CNTROB: variants seen among roughly 807,000 people sequenced by gnomAD.
CNTROB encodes the protein centrobin, centriole duplication and spindle assembly protein, also known as centrobin.
A neutral mutation model predicts 115.7 loss-of-function variants in CNTROB; 82 were observed. That is an observed-to-expected ratio of 0.71 (90% CI 0.59 to 0.85). CNTROB has a LOEUF of 0.85. Ranked by LOEUF, CNTROB falls within the 40% of genes least tolerant of loss-of-function variation. CNTROB has a pLI of 0.00. For synonymous variants in CNTROB, 439 were observed against 456.4 expected (o/e 0.96, Z 0.49); for missense variants, 1,014 against 1,144.4 (o/e 0.89, Z 1.64).
intron 4 of CNTROB, chr17:7,935,741 T>A (rs533760691): frequency 6.1e-6 from 1 of 162,738 alleles, no homozygotes; most frequent in Non-Finnish European, 1.4e-5. Flanking sequence ...ACTGGCTGCC[T>A]AAGGTCTAGA....
At position 7,944,108 on chromosome 17, in the gene CNTROB, A is replaced by C; in HGVS notation, c.1446-15A>C. 6.2e-7 allele frequency: 1 copy of C among 1,602,308 alleles called. No homozygotes were observed. Among genetic ancestry groups the C allele is most frequent in the South Asian group, 1.1e-5 (1 of 90,716 alleles). On this transcript the variant is annotated splice_polypyrimidine_tract_variant and intron_variant, in intron 10 of 18. Transcript: ENST00000563694. This position sits in a 1 kb window ranked among gnomAD's most constrained non-coding sequence, Gnocchi z 4.0. ...TCTCCAGTCTCAGGCCTCTTCTCCT[A>C]CCTGTGCCCTGTAGGAAGCAGCTGC...
In CNTROB at chr17:7,948,567, G is replaced by A. The variant is rs758550892; in HGVS notation, c.2461G>A (p.Ala821Thr). ...LRLYQARGWG[A>T]LPAEDLLLYL... ...ACTCTACCAGGCTCGGGGCTGGGGGGCTCTGCCTGCTGAGGATCTCCTGCT... is the reference window on the plus strand; with the variant it reads ...ACTCTACCAGGCTCGGGGCTGGGGGACTCTGCCTGCTGAGGATCTCCTGCT... The change falls in exon 17 of 19, where the codon GCT becomes ACT. Residue 821 changes from alanine to threonine, a missense_variant. Physicochemically the swap from Ala to Thr is moderately conservative, Grantham distance 58 (BLOSUM62 0). Coordinates refer to ENST00000563694, the MANE Select transcript of CNTROB (RefSeq NM_053051.5). The surrounding 1 kb of genome is among the most constrained non-coding windows in gnomAD (Gnocchi z 4.4). 5 of 1,614,196 alleles carry A rather than the reference G, an allele frequency of 3.1e-6. No homozygotes were observed. In the Admixed American group the frequency reaches 6.7e-5, roughly 22 times the overall value.
chr17:7,934,150 CA>C lies in CNTROB; in HGVS notation c.284del (p.His95LeufsTer92), dbSNP rs1422073231. 1 of 1,613,920 alleles carries C rather than the reference CA, an allele frequency of 6.2e-7. No individual in the cohort carries two copies. The highest frequency in any genetic ancestry group is 8.5e-7 in the Non-Finnish European group (1 of 1,179,940). ...KNLKKKDGSKHIFEMESVRGQ... is the reference protein window; with the variant it reads ...KNLKKKDGSKXIFEMESVRGQ... ...GGCTTTTTTCCAGGATGGTTCTAAG[CA>C]TATCTTTGAGATGGAAAGTGTTCGG... On this transcript the variant is annotated frameshift_variant, in exon 2 of 19. Transcript: ENST00000563694. LOFTEE classifies it high-confidence loss of function.
chr17:7,940,272 G>T (rs1421294064), intron 9 of CNTROB, 30 bp downstream of exon 9: 2 of 1,572,286 alleles, frequency 1.3e-6, no homozygotes, highest in Non-Finnish European at 1.7e-6. Context: ...TTGAGGTTTT[G>T]TTCTGACAGA....
chr17:7,933,237 G>T lies in CNTROB; in HGVS notation c.158G>T (p.Arg53Leu). 1 of 1,614,242 alleles carries T rather than the reference G, an allele frequency of 6.2e-7. No homozygotes were observed. The highest frequency in any genetic ancestry group is 8.5e-7 in the Non-Finnish European group (1 of 1,180,050). The change falls in exon 1 of 19, where the codon CGA becomes CTA. Residue 53 changes from arginine (R) to leucine (L), a missense_variant. Coordinates refer to ENST00000563694, the MANE Select transcript of CNTROB (RefSeq NM_053051.5). Reference sequence around the variant, plus strand: ...AGCCGGCAGGCGGAGGCCACGGCCCGAGCCCAGCTGTATTTACCCTCCACC... The same window carrying T: ...AGCCGGCAGGCGGAGGCCACGGCCCTAGCCCAGCTGTATTTACCCTCCACC... ...RLSRQAEATA[R>L]AQLYLPSTSP...
Position 7,939,420 on chromosome 17 carries a change from A to G in CNTROB, c.928-93A>G. ...AATTATTGTGTTTTTAATGAGCATA[A>G]TTCTCAGCAGGCACCTTGTATGAGG... On this transcript the variant is annotated intron_variant, in intron 7 of 18. Coordinates refer to ENST00000563694, the MANE Select transcript of CNTROB (RefSeq NM_053051.5). The surrounding 1 kb of genome is among the most constrained non-coding windows in gnomAD (Gnocchi z 4.4). 9.4e-7 allele frequency: 1 copy of G among 1,058,922 alleles called. No individual in the cohort carries two copies. Among genetic ancestry groups the G allele is most frequent in the South Asian group, 1.4e-5 (1 of 69,956 alleles). The allele number at this position is 1,058,922 out of a possible 1,614,324, so 65.6% of individuals were successfully genotyped here.
chr17:7,947,657 G>A lies in CNTROB; in HGVS notation c.2080G>A (p.Glu694Lys). The change falls in exon 14 of 19, where the codon GAG becomes AAG. Residue 694 changes from glutamate to lysine, a missense_variant. Physicochemically the swap from Glu to Lys is moderately conservative, Grantham distance 56 (BLOSUM62 1). Coordinates refer to ENST00000563694, the MANE Select transcript of CNTROB (RefSeq NM_053051.5). ...TGAGGAAGATCCTGGACCTGACGGGGAGGGCCTCCTAAAGCAAGGGCTGCC... is the reference window on the plus strand; with the variant it reads ...TGAGGAAGATCCTGGACCTGACGGGAAGGGCCTCCTAAAGCAAGGGCTGCC... Reference protein sequence around the residue: ...FPEEDPGPDGEGLLKQGLPPA... With the variant: ...FPEEDPGPDGKGLLKQGLPPA... 2.5e-6 allele frequency: 4 copies of A among 1,613,978 alleles called. No homozygotes were observed. Among genetic ancestry groups the A allele is most frequent in the South Asian group, 2.2e-5 (2 of 91,076 alleles).
intron 9 of CNTROB, among the ~76,000 whole-genome samples, chr17:7,942,082 C>T (rs947099093): frequency 1.3e-5 from 2 of 151,364 alleles, no homozygotes; most frequent in Admixed American, 1.3e-4. Context: ...GTCTGGGCAA[C>T]ATAATGAGAC....
chr17:7,932,913 C>T lies in CNTROB; in HGVS notation c.-167C>T, dbSNP rs374600059. On this transcript the variant is annotated 5_prime_UTR_variant, in exon 1 of 19. Transcript: ENST00000563694. ...CATGGCCCCTGGAACTGGTGGAAAC[C>T]TTTCCTCTAACCAGAAAGCCTCGAT... 17 of 730,338 alleles carry T rather than the reference C, an allele frequency of 2.3e-5. No homozygotes were observed. Among genetic ancestry groups the T allele is most frequent in the African/African-American group, 1.8e-4 (10 of 56,456 alleles). The allele number at this position is 730,338 out of a possible 1,614,324, so 45.2% of individuals were successfully genotyped here. A position where few individuals can be genotyped will look rare whatever the true frequency, so the allele number is the denominator to read the frequency against.
rs1302997132 is a variant in CNTROB at position 7,933,113 on chromosome 17, C to T, written c.34C>T (p.Leu12Phe). ...ATCAGCTGACAGCCCCAGTTCACCC[C>T]TCGGGGCGGAGGATCTCCTGAGTGA... ...ATSADSPSSP[L>F]GAEDLLSDSS... The change falls in exon 1 of 19, where the codon CTC becomes TTC. Residue 12 changes from leucine to phenylalanine, a missense_variant. By Grantham distance (22) the Leu-to-Phe change is conservative (BLOSUM62 0). Coordinates refer to ENST00000563694, the MANE Select transcript of CNTROB (RefSeq NM_053051.5). 4 of 1,614,048 alleles carry T rather than the reference C, an allele frequency of 2.5e-6. No individual in the cohort carries two copies. The highest frequency in any genetic ancestry group is 1.3e-5 in the African/African-American group (1 of 74,930).
intron 13 of CNTROB, among the ~76,000 whole-genome samples, chr17:7,946,830 T>C (rs1415947182): frequency 6.6e-6 from 1 of 151,368 alleles, no homozygotes; most frequent in Non-Finnish European, 1.5e-5. Context: ...AAGTTGCCAT[T>C]GTACTCTAGC....
At chr17:7,947,093 G>A (rs1205445220) in intron 13 of CNTROB, among the ~76,000 whole-genome samples, 3 of 151,726 alleles carry the variant, frequency 2.0e-5, no homozygotes, top group Non-Finnish European at 2.9e-5. Context: ...CCCGGGAGGC[G>A]GAGCTTGCAG....
At position 7,943,299 on chromosome 17, in the gene CNTROB, A is replaced by G; in HGVS notation, c.1312-92A>G. The G allele has an allele frequency of 1.1e-6, 1 of 884,664 alleles. No individual in the cohort carries two copies. Among genetic ancestry groups the G allele is most frequent in the Non-Finnish European group, 1.7e-6 (1 of 578,230 alleles). The allele number at this position is 884,664 out of a possible 1,614,324, so 54.8% of individuals were successfully genotyped here. A position where few individuals can be genotyped will look rare whatever the true frequency, so the allele number is the denominator to read the frequency against. On this transcript the variant is annotated intron_variant, in intron 9 of 18. Coordinates refer to ENST00000563694, the MANE Select transcript of CNTROB (RefSeq NM_053051.5). This position sits in a 1 kb window ranked among gnomAD's most constrained non-coding sequence, Gnocchi z 4.7. Reference sequence around the variant, plus strand: ...TTGTTCTTCATCTCATATGAGGGGAAAGTTGGTACTGGATTTTGTCTACAT... The same window carrying G: ...TTGTTCTTCATCTCATATGAGGGGAGAGTTGGTACTGGATTTTGTCTACAT...
At chr17:7,941,717 T>C (rs1973900501) in intron 9 of CNTROB, among the ~76,000 whole-genome samples, 1 of 151,664 alleles carries the variant, frequency 6.6e-6, no homozygotes, top group East Asian at 1.9e-4. Flanking sequence ...CCCAGCACTT[T>C]GGGAGGCCGA....
At position 7,935,146 on chromosome 17, in the gene CNTROB, G is replaced by A; in HGVS notation, c.594+1G>A. 1.2e-6 allele frequency: 2 copies of A among 1,614,154 alleles called. No homozygotes were observed. The highest frequency in any genetic ancestry group is 1.7e-5 in the Admixed American group (1 of 60,024). ...GGATTCAGAGCATACCCGCCGCAAGGTAAGATGCAAACGCTTCCTTTCGAA... is the reference window on the plus strand; with the variant it reads ...GGATTCAGAGCATACCCGCCGCAAGATAAGATGCAAACGCTTCCTTTCGAA... On this transcript the variant is annotated splice_donor_variant, in intron 4 of 18. Coordinates refer to ENST00000563694, the MANE Select transcript of CNTROB (RefSeq NM_053051.5). LOFTEE classifies it high-confidence loss of function.
rs776314555 is a variant in CNTROB at position 7,933,365 on chromosome 17, C to T, written c.270+16C>T. The T allele has an allele frequency of 6.2e-7, 1 of 1,603,184 alleles. No individual in the cohort carries two copies. Among genetic ancestry groups the T allele is most frequent in the South Asian group, 1.1e-5 (1 of 89,728 alleles). On this transcript the variant is annotated intron_variant, in intron 1 of 18. Transcript: ENST00000563694. ...GAAGAAAAAGGTGAGGGAAGTGTGT[C>T]TTGGAGACCACTGTGGCACTAGACA...
chr17:7,944,107 T>C lies in CNTROB; in HGVS notation c.1446-16T>C. 1 of 1,601,008 alleles carries C rather than the reference T, an allele frequency of 6.2e-7. No homozygotes were observed. Among genetic ancestry groups the C allele is most frequent in the Non-Finnish European group, 8.6e-7 (1 of 1,168,302 alleles). ...GTCTCCAGTCTCAGGCCTCTTCTCC[T>C]ACCTGTGCCCTGTAGGAAGCAGCTG... On this transcript the variant is annotated splice_polypyrimidine_tract_variant and intron_variant, in intron 10 of 18. Coordinates refer to ENST00000563694, the MANE Select transcript of CNTROB (RefSeq NM_053051.5). The surrounding 1 kb of genome is among the most constrained non-coding windows in gnomAD (Gnocchi z 4.0).
intron 7 of CNTROB, among the ~76,000 whole-genome samples, chr17:7,937,598 T>C (rs1285917184): frequency 2.3e-4 from 35 of 152,142 alleles, no homozygotes; most frequent in South Asian, 2.1e-4. Context: ...GGTCAGGAGT[T>C]TGAGACCAGC....
In CNTROB at chr17:7,934,500, C is replaced by T. The variant is rs1972908983; in HGVS notation, c.391C>T (p.Arg131Trp). Residue 131 changes from arginine to tryptophan, a missense_variant, in exon 3 of 19, where the codon CGG becomes TGG. Arg to Trp is a moderately radical substitution (Grantham distance 101). Transcript: ENST00000563694. ...PLIPGAGSERREEDSFDSDST... is the reference protein window; with the variant it reads ...PLIPGAGSERWEEDSFDSDST... ...CATTCCTGGCGCTGGCTCAGAGAGA[C>T]GGGAAGAGGACTCCTTTGACAGTGA... 15 of 1,614,106 alleles carry T rather than the reference C, an allele frequency of 9.3e-6. No homozygotes were observed. Among genetic ancestry groups the T allele is most frequent in the Non-Finnish European group, 1.2e-5 (14 of 1,179,996 alleles).
Sources: allele counts gnomAD v4.1 joint callset (sites outside exome capture counted in the v4.1 genomes callset), GRCh38; gene constraint gnomAD v4.1.1; non-coding constraint Gnocchi (gnomAD v3.1); transcripts MANE v1.5; gene names NCBI Gene and HGNC (gene_info 2026-07-23, HGNC 2026-07-21).